CERS6: variants seen among roughly 807,000 people sequenced by gnomAD.
CERS6 encodes the protein LAG1 homolog, ceramide synthase 6.
A neutral mutation model predicts 56.8 loss-of-function variants in CERS6; 26 were observed. That is an observed-to-expected ratio of 0.46 (90% CI 0.34 to 0.63). The LOEUF (loss-of-function observed/expected upper bound fraction) is 0.63. CERS6 is among the 30% of genes least tolerant of loss of function. The probability of loss-of-function intolerance (pLI) is 0.01; values close to 1 mark genes in which losing one functional copy is unlikely to be tolerated. For missense variants in CERS6, 415 were observed against 467.5 expected, an observed-to-expected ratio of 0.89 and a Z score of 1.04; for synonymous variants, 164 against 173.3, an observed-to-expected ratio of 0.95 and a Z score of 0.42.
At chr2:168,705,286 G>A (rs1227461407) in intron 6 of CERS6, among the ~76,000 whole-genome samples, 1 of 152,124 alleles carries the variant, frequency 6.6e-6, no homozygotes, top group Non-Finnish European at 1.5e-5. Flanking sequence ...AAATCAGAGT[G>A]TAAATAGGAA....
intron 4 of CERS6, among the ~76,000 whole-genome samples, chr2:168,654,828 A>G (rs1347812120): frequency 6.6e-6 from 1 of 152,242 alleles, no homozygotes; most frequent in East Asian, 1.9e-4. Flanking sequence ...AAGGCAATAT[A>G]GTCTTATTGA....
chr2:168,678,636 G>T (rs1055551046), intron 4 of CERS6, among the ~76,000 whole-genome samples: 1 of 152,176 alleles, frequency 6.6e-6, no homozygotes, highest in South Asian at 2.1e-4. Flanking sequence ...CCTGGTGGGG[G>T]TTGGGAGCCT....
intron 2 of CERS6, among the ~76,000 whole-genome samples, chr2:168,555,853 A>G (rs1574063125): frequency 6.6e-6 from 1 of 151,746 alleles, no homozygotes. Flanking sequence ...CATTAACCCA[A>G]AGTGTTTATT....
chr2:168,697,252 A>G (rs1391950630), intron 6 of CERS6, among the ~76,000 whole-genome samples: 1 of 152,210 alleles, frequency 6.6e-6, no homozygotes, highest in Non-Finnish European at 1.5e-5. Flanking sequence ...GAGCTTGGGC[A>G]TAACAGATGA....
intron 3 of CERS6, among the ~76,000 whole-genome samples, chr2:168,585,561 G>A (rs147647967): frequency 6.6e-6 from 1 of 152,372 alleles, no homozygotes; most frequent in Non-Finnish European, 1.5e-5. Flanking sequence ...ATAGGTGGAA[G>A]GCAGGTCATA....
At chr2:168,545,344 T>C (rs1447099366) in intron 1 of CERS6, among the ~76,000 whole-genome samples, 1 of 152,232 alleles carries the variant, frequency 6.6e-6, no homozygotes, top group African/African-American at 2.4e-5. Context: ...ATTTATTTGA[T>C]AATTTTGATT....
chr2:168,609,089 G>A (rs758916100), intron 3 of CERS6, among the ~76,000 whole-genome samples: 1 of 152,134 alleles, frequency 6.6e-6, no homozygotes, highest in Non-Finnish European at 1.5e-5. Context: ...TCCATTTAGG[G>A]TGCATCTGTC....
intron 1 of CERS6, among the ~76,000 whole-genome samples, chr2:168,518,969 C>T (rs1418973057): frequency 6.6e-6 from 1 of 152,152 alleles, no homozygotes; most frequent in Non-Finnish European, 1.5e-5. Flanking sequence ...AACCTGGCTG[C>T]ACACTGGAAT....
intron 6 of CERS6, among the ~76,000 whole-genome samples, chr2:168,707,455 T>G (rs1178187644): frequency 1.3e-5 from 2 of 152,196 alleles, no homozygotes; most frequent in Non-Finnish European, 2.9e-5. Flanking sequence ...GTCACAGTTC[T>G]TCATTCCTTT....
At chr2:168,745,107 T>A in intron 8 of CERS6, among the ~76,000 whole-genome samples, 1 of 152,190 alleles carries the variant, frequency 6.6e-6, no homozygotes, top group South Asian at 2.1e-4. Context: ...GATTTCTGAA[T>A]TATTCAGATA....
At chr2:168,561,526 T>C (rs1019088163) in intron 3 of CERS6, among the ~76,000 whole-genome samples, 2 of 152,338 alleles carry the variant, frequency 1.3e-5, no homozygotes, top group Admixed American at 1.3e-4. Context: ...ATTTCACTTC[T>C]TAATGGAGTT....
intron 8 of CERS6, among the ~76,000 whole-genome samples, chr2:168,743,993 T>C (rs1307089258): frequency 8.5e-6 from 1 of 117,754 alleles, no homozygotes; most frequent in African/African-American, 3.5e-5. Flanking sequence ...TTTCTTTTTT[T>C]TCTTTTTTTT....
At chr2:168,724,282 T>G (rs1450077767) in intron 8 of CERS6, among the ~76,000 whole-genome samples, 1 of 151,488 alleles carries the variant, frequency 6.6e-6, no homozygotes, top group Non-Finnish European at 1.5e-5. Flanking sequence ...GGCTCAGGAG[T>G]GAAGCTGCAG....
intron 3 of CERS6, among the ~76,000 whole-genome samples, chr2:168,577,530 A>G (rs1180649366): frequency 6.6e-6 from 1 of 152,134 alleles, no homozygotes; most frequent in Non-Finnish European, 1.5e-5. Flanking sequence ...TTGTATACTG[A>G]TGGGAATGAT....
chr2:168,600,201 T>TCTCTCA (rs1683899427), intron 3 of CERS6, among the ~76,000 whole-genome samples: 1 of 148,314 alleles, frequency 6.7e-6, no homozygotes, highest in Non-Finnish European at 1.5e-5. Context: ...TCTCTCTCTC[T>TCTCTCA]CTCTCTCTCT....
intron 4 of CERS6, among the ~76,000 whole-genome samples, chr2:168,659,621 T>C (rs978555725): frequency 6.6e-6 from 1 of 152,220 alleles, no homozygotes; most frequent in Non-Finnish European, 1.5e-5. Context: ...ACTCCACATA[T>C]ATGTTTCCAT....
At chr2:168,672,248 A>G (rs1685937262) in intron 4 of CERS6, among the ~76,000 whole-genome samples, 1 of 152,234 alleles carries the variant, frequency 6.6e-6, no homozygotes, top group Admixed American at 6.5e-5. Flanking sequence ...GTCCTTTTCC[A>G]ACATTGCCAG....
chr2:168,523,343 C>T (rs186943691), intron 1 of CERS6, among the ~76,000 whole-genome samples: 3 of 152,128 alleles, frequency 2.0e-5, no homozygotes, highest in Non-Finnish European at 4.4e-5. Context: ...CTTTCTAGTA[C>T]CCCCAGTAAA....
intron 3 of CERS6, among the ~76,000 whole-genome samples, chr2:168,606,105 A>G (rs933666884): frequency 1.3e-5 from 2 of 152,204 alleles, no homozygotes; most frequent in Non-Finnish European, 2.9e-5. Flanking sequence ...GAGAGCAACT[A>G]TGGGGACTGA....
Sources: gnomAD v4.1 joint callset for allele counts (sites outside exome capture counted in the v4.1 genomes callset) on GRCh38, gnomAD v4.1.1 for gene constraint, MANE v1.5 for transcripts, NCBI Gene and HGNC (gene_info 2026-07-23, HGNC 2026-07-21) for gene names.